The following CENPW variants were observed in gnomAD, a reference collection of about 807,000 sequenced individuals.
CENPW encodes centromere protein W.
In CENPW, 3 loss-of-function variants were observed where a neutral mutation model predicts 11.1. The ratio of observed to expected loss-of-function variants is 0.27; its 90% confidence interval spans 0.12 to 0.70. The LOEUF (loss-of-function observed/expected upper bound fraction) is 0.70, where lower values mean the gene tolerates loss of function less well. Among genes scored for constraint, CENPW ranks in the 30% least tolerant of loss-of-function variants. The pLI is 0.77. For synonymous variants in CENPW, 38 were observed against 42.0 expected (o/e 0.91, Z 0.37); for missense variants, 100 against 105.6 (o/e 0.95, Z 0.23).
At chr6:126,451,780 A>G in the CENPW span, among the ~76,000 whole-genome samples, 2 of 151,142 alleles carry the variant, frequency 1.3e-5, no homozygotes, top group East Asian at 3.9e-4. Flanking sequence ...AGTAAATAAA[A>G]TTTCAGCTTT....
At chr6:126,355,922 G>A in the CENPW span, among the ~76,000 whole-genome samples, 1 of 152,012 alleles carries the variant, frequency 6.6e-6, no homozygotes, top group African/African-American at 2.4e-5. Context: ...TAATAGAGAG[G>A]GAGCATCAAT....
chr6:126,392,661 A>G, the CENPW span, among the ~76,000 whole-genome samples: 1 of 151,802 alleles, frequency 6.6e-6, no homozygotes, highest in South Asian at 2.1e-4. Flanking sequence ...CCACTTGGTC[A>G]TGGATCTTTT....
chr6:126,361,601 G>A, the CENPW span, among the ~76,000 whole-genome samples: 1 of 152,064 alleles, frequency 6.6e-6, no homozygotes, highest in Non-Finnish European at 1.5e-5. Context: ...AGCCTCTTTT[G>A]TATTTCTATG....
the CENPW span, among the ~76,000 whole-genome samples, chr6:126,365,835 T>C: frequency 7.7e-4 from 117 of 152,316 alleles, no homozygotes; most frequent in Middle Eastern, 0.01. Flanking sequence ...TGAAAGGAAA[T>C]GAACATTTTT....
the CENPW span, among the ~76,000 whole-genome samples, chr6:126,357,768 C>G: frequency 6.6e-6 from 1 of 152,054 alleles, no homozygotes; most frequent in African/African-American, 2.4e-5. Flanking sequence ...GCCACCACAC[C>G]TGGCTGATTT....
At chr6:126,396,930 C>G in the CENPW span, among the ~76,000 whole-genome samples, 1 of 151,888 alleles carries the variant, frequency 6.6e-6, no homozygotes, top group Non-Finnish European at 1.5e-5. Flanking sequence ...GTCTAAGATG[C>G]AAGACAAAGT....
chr6:126,427,566 T>A, the CENPW span, among the ~76,000 whole-genome samples: 2 of 152,212 alleles, frequency 1.3e-5, no homozygotes, highest in South Asian at 4.1e-4. Context: ...TACCTCACAA[T>A]AACTCACAAG....
the CENPW span, among the ~76,000 whole-genome samples, chr6:126,390,131 CA>C: frequency 7.4e-4 from 113 of 151,862 alleles, no homozygotes; most frequent in Non-Finnish European, 1.4e-3. Context: ...CTCAACCAAT[CA>C]TCAAATTCTA....
At chr6:126,389,074 C>T in the CENPW span, among the ~76,000 whole-genome samples, 1 of 151,974 alleles carries the variant, frequency 6.6e-6, no homozygotes, top group Non-Finnish European at 1.5e-5. Context: ...AAAGATCCAT[C>T]TCTGTTGTTC....
intron 1 of CENPW, among the ~76,000 whole-genome samples, chr6:126,343,463 T>C (rs1490516931): frequency 1.3e-5 from 2 of 152,154 alleles, no homozygotes; most frequent in East Asian, 3.9e-4. Context: ...TTAAGGAGTA[T>C]TGACCCACAC....
downstream of CENPW, among the ~76,000 whole-genome samples, chr6:126,349,260 A>G (rs545085498): frequency 2.0e-4 from 30 of 152,254 alleles, no homozygotes; most frequent in South Asian, 1.7e-3. Context: ...AGTTCCCCCA[A>G]TGGTTACATC....
At chr6:126,425,019 C>T in the CENPW span, among the ~76,000 whole-genome samples, 8 of 152,050 alleles carry the variant, frequency 5.3e-5, no homozygotes, top group African/African-American at 1.9e-4. Context: ...AAAGACAATA[C>T]ATATCTAACG....
At chr6:126,405,247 A>T in the CENPW span, among the ~76,000 whole-genome samples, 28 of 152,124 alleles carry the variant, frequency 1.8e-4, no homozygotes, top group Middle Eastern at 3.4e-3. Flanking sequence ...ATCATTTTTT[A>T]AAAAGACTAT....
At chr6:126,410,230 A>G in the CENPW span, among the ~76,000 whole-genome samples, 37 of 151,932 alleles carry the variant, frequency 2.4e-4, no homozygotes, top group Non-Finnish European at 2.4e-4. Context: ...GAAAGATTTT[A>G]TTTCTTCCTC....
chr6:126,453,198 G>A, the CENPW span, among the ~76,000 whole-genome samples: 1 of 151,064 alleles, frequency 6.6e-6, no homozygotes, highest in Non-Finnish European at 1.5e-5. Context: ...TCAAATTCAG[G>A]AAATGCAGAC....
At chr6:126,366,546 A>G in the CENPW span, among the ~76,000 whole-genome samples, 7 of 152,202 alleles carry the variant, frequency 4.6e-5, no homozygotes, top group Admixed American at 2.0e-4. Flanking sequence ...TTGAGATTGA[A>G]TAATACCTTT....
the CENPW span, among the ~76,000 whole-genome samples, chr6:126,418,662 G>C: frequency 6.6e-6 from 1 of 151,976 alleles, no homozygotes; most frequent in African/African-American, 2.4e-5. Context: ...TCCAGATAAA[G>C]TTATGGCAAC....
chr6:126,395,353 A>AT, the CENPW span, among the ~76,000 whole-genome samples: 1 of 152,068 alleles, frequency 6.6e-6, no homozygotes, highest in South Asian at 2.1e-4. Flanking sequence ...TGCCAGTTGC[A>AT]TTTTTCAGTT....
At chr6:126,472,414 G>A in the CENPW span, among the ~76,000 whole-genome samples, 7 of 152,164 alleles carry the variant, frequency 4.6e-5, no homozygotes. Flanking sequence ...CATATAGTAT[G>A]TACTCTTTCT....
Sources: gnomAD v4.1 joint callset for allele counts (sites outside exome capture counted in the v4.1 genomes callset) on GRCh38, gnomAD v4.1.1 for gene constraint, MANE v1.5 for transcripts, NCBI Gene and HGNC (gene_info 2026-07-23, HGNC 2026-07-21) for gene names.